The following RIMKLB variants were observed in gnomAD, a reference collection of about 807,000 sequenced individuals.
RIMKLB encodes beta-citrylglutamate synthase B.
A neutral mutation model predicts 32.0 loss-of-function variants in RIMKLB; 7 were observed. The ratio of observed to expected loss-of-function variants is 0.22; its 90% CI spans 0.12 to 0.41. The LOEUF is 0.41. Ranked by LOEUF, RIMKLB falls within the 10% of genes least tolerant of loss-of-function variation. The pLI is 1.00. For synonymous variants in RIMKLB, 172 were observed against 185.1 expected (o/e 0.93, Z 0.57); for missense variants, 289 against 498.7 (o/e 0.58, Z 4.00).
At chr12:8,730,524 AG>A (rs1445385891) in intron 2 of RIMKLB, among the ~76,000 whole-genome samples, 1 of 152,158 alleles carries the variant, frequency 6.6e-6, no homozygotes, top group Non-Finnish European at 1.5e-5. Flanking sequence ...GCTGGCTTGC[AG>A]CTTTTCCAAC....
chr12:8,696,097 C>T (rs991625039), upstream of RIMKLB, among the ~76,000 whole-genome samples: 1 of 152,188 alleles, frequency 6.6e-6, no homozygotes, highest in African/African-American at 2.4e-5. Context: ...GCAGTTACCA[C>T]GAATTGGATT....
intron 2 of RIMKLB, among the ~76,000 whole-genome samples, chr12:8,732,725 G>A (rs993727654): frequency 1.2e-4 from 18 of 150,742 alleles, no homozygotes; most frequent in African/African-American, 4.2e-4. Context: ...GGGGGAAAGC[G>A]TTATGCATGC....
At chr12:8,720,351 A>G (rs759930438) in intron 2 of RIMKLB, among the ~76,000 whole-genome samples, 1 of 152,316 alleles carries the variant, frequency 6.6e-6, no homozygotes, top group South Asian at 2.1e-4. Context: ...TTTGAGTTCA[A>G]TCTTTTGACG....
At chr12:8,704,198 G>A (rs905833913) in intron 1 of RIMKLB, among the ~76,000 whole-genome samples, 5 of 151,904 alleles carry the variant, frequency 3.3e-5, no homozygotes, top group Non-Finnish European at 4.4e-5. Context: ...CCTGAGCAAC[G>A]TGATGAAACC....
upstream of RIMKLB, among the ~76,000 whole-genome samples, chr12:8,678,259 T>G (rs1321752497): frequency 2.6e-5 from 4 of 151,580 alleles, no homozygotes; most frequent in Non-Finnish European, 5.9e-5. Flanking sequence ...CAAGTGATCC[T>G]CGCACGTTGG....
At chr12:8,682,730 C>T (rs1259377041) in intron 1 of RIMKLB, among the ~76,000 whole-genome samples, 1 of 150,492 alleles carries the variant, frequency 6.6e-6, no homozygotes, top group Non-Finnish European at 1.5e-5. Context: ...CGAGATCGCG[C>T]CACTGCAGCC....
At position 8,750,012 on chromosome 12, in the gene RIMKLB, T is replaced by C; in HGVS notation, c.326T>C (p.Ile109Thr). ...CGGTTAATGAACCGACCTCAAGCCA[T>C]CCTGAACTGCGTTAATAAGTTCTGG... ...GCRLMNRPQAILNCVNKFWTF... is the reference protein window; with the variant it reads ...GCRLMNRPQATLNCVNKFWTF... The change falls in exon 3 of 6, where the codon ATC becomes ACC. Residue 109 changes from isoleucine to threonine, a missense_variant. This residue lies in a region of RIMKLB where 156 missense variants were observed against 329.5 expected (regional missense o/e 0.47). Transcript: ENST00000535829. The C allele has an allele frequency of 6.2e-7, 1 of 1,614,114 alleles. No homozygotes were observed. The highest frequency in any genetic ancestry group is 1.1e-5 in the South Asian group (1 of 91,078).
At position 8,775,194 on chromosome 12, in the gene RIMKLB, C is replaced by G; in HGVS notation, c.*1410C>G. Reference sequence around the variant, plus strand: ...TAATGCTTCTGGCTATGCATTTTCTCTTTTTACATATAGGATTTGGGATTG... The same window carrying G: ...TAATGCTTCTGGCTATGCATTTTCTGTTTTTACATATAGGATTTGGGATTG... On this transcript the variant is annotated 3_prime_UTR_variant, in exon 6 of 6. Coordinates refer to ENST00000535829, the MANE Select transcript of RIMKLB (RefSeq NM_001297776.2). 2 of 985,546 alleles carry G rather than the reference C, an allele frequency of 2.0e-6. No individual in the cohort carries two copies. Among genetic ancestry groups the G allele is most frequent in the Non-Finnish European group, 2.4e-6 (2 of 829,848 alleles). The allele number at this position is 985,546 out of a possible 1,614,324, so 61.1% of individuals were successfully genotyped here. A position where few individuals can be genotyped will look rare whatever the true frequency, so the allele number is the denominator to read the frequency against.
intron 1 of RIMKLB, among the ~76,000 whole-genome samples, chr12:8,691,421 C>T (rs938207075): frequency 6.6e-6 from 1 of 151,972 alleles, no homozygotes; most frequent in Non-Finnish European, 1.5e-5. Context: ...CCAGCCTGGG[C>T]AACATGGTGA....
chr12:8,766,375 A>C (rs1949968410), intron 5 of RIMKLB, among the ~76,000 whole-genome samples: 1 of 152,142 alleles, frequency 6.6e-6, no homozygotes, highest in African/African-American at 2.4e-5. Flanking sequence ...CTTTGCACTC[A>C]GAGGTGAATT....
In RIMKLB at chr12:8,743,231, G is replaced by C. The variant is rs146642609; in HGVS notation, c.176-6631G>C. 1.1e-4 allele frequency among the ~76,000 whole-genome samples: 16 copies of C among 151,484 alleles called. 1 individual carries two copies. The highest frequency in any genetic ancestry group is 3.7e-4 in the African/African-American group (15 of 40,980). ...TATCCGGGTGTGGTGATGCTCGCCT[G>C]TAATCCCAGCTACTTGGGAGGCTGA... On this transcript the variant is annotated intron_variant, in intron 2 of 5. Coordinates refer to ENST00000535829, the MANE Select transcript of RIMKLB (RefSeq NM_001297776.2).
chr12:8,718,167 A>G (rs907672491), intron 2 of RIMKLB, among the ~76,000 whole-genome samples: 2 of 152,188 alleles, frequency 1.3e-5, no homozygotes, highest in Admixed American at 6.5e-5. Flanking sequence ...AGATCTAGGT[A>G]AAAAAGACCA....
upstream of RIMKLB, among the ~76,000 whole-genome samples, chr12:8,695,400 T>A (rs1230231056): frequency 6.6e-6 from 1 of 152,188 alleles, no homozygotes; most frequent in Non-Finnish European, 1.5e-5. Flanking sequence ...TGAATGTATG[T>A]ACAGCCTTTC....
At chr12:8,750,139 A>G in intron 3 of RIMKLB, 47 bp downstream of exon 3, 1 of 1,172,224 alleles carries the variant, frequency 8.5e-7, no homozygotes, top group South Asian at 1.3e-5. Context: ...AACCACTGAT[A>G]GTTTTAATAG....
intron 1 of RIMKLB, among the ~76,000 whole-genome samples, chr12:8,690,796 G>A (rs934449916): frequency 1.3e-5 from 2 of 152,166 alleles, no homozygotes; most frequent in African/African-American, 2.4e-5. Context: ...GGTGGTGCAT[G>A]CCTGTAATCC....
chr12:8,712,337 G>A (rs1361310680), intron 1 of RIMKLB, among the ~76,000 whole-genome samples: 1 of 151,976 alleles, frequency 6.6e-6, no homozygotes, highest in Non-Finnish European at 1.5e-5. Context: ...ACTTGAACCC[G>A]GGAAGCGGAG....
At chr12:8,751,016 C>T (rs1271568426) in intron 3 of RIMKLB, among the ~76,000 whole-genome samples, 2 of 152,150 alleles carry the variant, frequency 1.3e-5, no homozygotes, top group South Asian at 2.1e-4. Flanking sequence ...ACTCTTCCCC[C>T]TCAACCCCCA....
At chr12:8,724,878 T>C (rs766800431) in intron 2 of RIMKLB, among the ~76,000 whole-genome samples, 3 of 152,170 alleles carry the variant, frequency 2.0e-5, no homozygotes, top group Admixed American at 6.5e-5. Flanking sequence ...CTAAGGCACA[T>C]CTGTTACTTG....
At chr12:8,777,399 T>C (rs1363082820), downstream of RIMKLB, 1 of 985,086 alleles carries the variant, frequency 1.0e-6, no homozygotes, top group Admixed American at 6.2e-5. Context: ...TTTGGATTTT[T>C]GTGTGGTATT....
Sources: allele counts gnomAD v4.1 joint callset (sites outside exome capture counted in the v4.1 genomes callset), GRCh38; gene constraint gnomAD v4.1.1; regional missense constraint gnomAD v4.1.1; transcripts MANE v1.5; gene names NCBI Gene and HGNC (gene_info 2026-07-23, HGNC 2026-07-21).